The following SHISAL1 variants were observed in gnomAD, a reference collection of about 807,000 sequenced individuals.
SHISAL1 encodes the protein shisa like 1, also known as protein shisa-like-1.
A neutral mutation model predicts 22.6 loss-of-function variants in SHISAL1; 9 were observed. The observed-to-expected ratio is 0.40, with a 90% CI of 0.24 to 0.70. The LOEUF (loss-of-function observed/expected upper bound fraction) is 0.70. SHISAL1 is among the 30% of genes least tolerant of loss of function. The pLI is 0.39. For synonymous variants in SHISAL1, 119 were observed against 115.4 expected (o/e 1.03, Z -0.20); for missense variants, 246 against 270.6 (o/e 0.91, Z 0.64).
intron 4 of SHISAL1, among the ~76,000 whole-genome samples, chr22:44,279,777 G>T (rs774108585): frequency 2.0e-5 from 3 of 152,100 alleles, no homozygotes; most frequent in Non-Finnish European, 4.4e-5. Flanking sequence ...CACTGTAGAG[G>T]TGCTCAGGCT....
intron 2 of SHISAL1, among the ~76,000 whole-genome samples, chr22:44,297,409 A>G (rs1239385053): frequency 6.6e-6 from 1 of 152,220 alleles, no homozygotes; most frequent in Non-Finnish European, 1.5e-5. Context: ...GCAGTGGTGG[A>G]CCTGCTGCTC....
At chr22:44,290,925 G>T (rs796398268) in intron 3 of SHISAL1, among the ~76,000 whole-genome samples, 1 of 152,160 alleles carries the variant, frequency 6.6e-6, no homozygotes. Flanking sequence ...GGGCAGTGGC[G>T]GTGTGTGGGC....
At chr22:44,309,165 G>A (rs551940557) in intron 1 of SHISAL1, among the ~76,000 whole-genome samples, 7 of 152,292 alleles carry the variant, frequency 4.6e-5, no homozygotes, top group Non-Finnish European at 8.8e-5. Flanking sequence ...TCTCCTGGTC[G>A]CCACTCAGGG....
intron 1 of SHISAL1, among the ~76,000 whole-genome samples, chr22:44,301,738 T>A (rs1054122879): frequency 3.9e-5 from 6 of 152,130 alleles, no homozygotes; most frequent in Non-Finnish European, 8.8e-5. Context: ...GGAGGGAAAC[T>A]ATGATACATG....
intron 3 of SHISAL1, 98 bp from the exon 4 acceptor site, chr22:44,285,843 T>A: frequency 9.5e-7 from 1 of 1,048,196 alleles, no homozygotes; most frequent in Non-Finnish European, 1.4e-6. Flanking sequence ...GTCCTGGGGC[T>A]ATGTTGGGGT....
intron 1 of SHISAL1, among the ~76,000 whole-genome samples, chr22:44,305,440 G>A (rs1392565716): frequency 6.6e-6 from 1 of 152,232 alleles, no homozygotes; most frequent in Non-Finnish European, 1.5e-5. Context: ...CAGACCCAGG[G>A]TCCAGAGCTG....
At position 44,285,669 on chromosome 22, in the gene SHISAL1, A is replaced by G; in HGVS notation, c.358T>C (p.Tyr120His). 1 of 1,614,206 alleles carries G rather than the reference A, an allele frequency of 6.2e-7. No individual in the cohort carries two copies. Among genetic ancestry groups the G allele is most frequent in the Non-Finnish European group, 8.5e-7 (1 of 1,180,006 alleles). ...LMLLVLDLLYYSAMNYDICKV... is the reference protein window; with the variant it reads ...LMLLVLDLLYHSAMNYDICKV... ...CAGATGTCGTAGTTCATTGCCGAGTAATACAAAAGGTCCAGAACCAGCAGC... is the reference window on the plus strand; with the variant it reads ...CAGATGTCGTAGTTCATTGCCGAGTGATACAAAAGGTCCAGAACCAGCAGC... Residue 120 changes from tyrosine to histidine, a missense_variant, in exon 4 of 5, where the codon TAC becomes CAC. By Grantham distance (83) the Tyr-to-His change is moderately conservative (BLOSUM62 2). Around this residue, in one of 2 missense-constraint regions of SHISAL1, gnomAD observed 136 missense variants for 117.5 expected, o/e 1.16. Transcript: ENST00000381176.
At chr22:44,290,111 C>T (rs1228181122) in intron 3 of SHISAL1, among the ~76,000 whole-genome samples, 2 of 152,222 alleles carry the variant, frequency 1.3e-5, no homozygotes, top group African/African-American at 4.8e-5. Context: ...TCCCCATCAC[C>T]ACCCCACCAG....
In SHISAL1 at chr22:44,296,892, G is replaced by C. The variant is rs1408488382; in HGVS notation, c.68-7C>G. The C allele has an allele frequency of 6.2e-7, 1 of 1,608,978 alleles. No homozygotes were observed. Among genetic ancestry groups the C allele is most frequent in the Admixed American group, 1.7e-5 (1 of 59,976 alleles). On this transcript the variant is annotated splice_region_variant and splice_polypyrimidine_tract_variant and intron_variant, in intron 2 of 4. Coordinates refer to ENST00000381176, the MANE Select transcript of SHISAL1 (RefSeq NM_001099294.2). ...CGGAAATGTGCAGACAAGACTGGAA[G>C]ACAGAGTCACCAGGCTCAGAGGGGT... is the stretch of plus-strand genomic sequence containing the variant.
intron 3 of SHISAL1, among the ~76,000 whole-genome samples, chr22:44,288,755 A>G (rs914330763): frequency 1.3e-5 from 2 of 152,190 alleles, no homozygotes; most frequent in African/African-American, 2.4e-5. Context: ...CCTCCTGCAC[A>G]CCCAGCTGGC....
At position 44,244,108 on chromosome 22, in the gene SHISAL1, A is replaced by AAAAT. The variant is rs2054978155; in HGVS notation, c.*5573_*5576dup. 6.6e-6 allele frequency: 1 copy of AAAAT among 152,218 alleles called. No homozygotes were observed. The highest frequency in any genetic ancestry group is 2.1e-4 in the South Asian group (1 of 4,824). The allele number at this position is 152,218 out of a possible 1,614,324, so 9.4% of individuals were successfully genotyped here. A position where few individuals can be genotyped will look rare whatever the true frequency, so the allele number is the denominator to read the frequency against. ...ACTAGCTTTAAAACGGGAAATGGGA[A>AAAAT]AAATAGGAAGAAACTGCGTATGAGA... is the stretch of plus-strand genomic sequence containing the variant. On this transcript the variant is annotated 3_prime_UTR_variant, in exon 5 of 5. Coordinates refer to ENST00000381176, the MANE Select transcript of SHISAL1 (RefSeq NM_001099294.2).
chr22:44,277,449 CAAACA>C (rs59568852), intron 4 of SHISAL1, among the ~76,000 whole-genome samples: 10,352 of 150,550 alleles, frequency 0.069, 763 homozygotes, highest in Admixed American at 0.18. Flanking sequence ...ACTCTGCCTC[CAAACA>C]AAACAAAACA....
rs377473597 is a variant in SHISAL1 at position 44,285,622 on chromosome 22, C to G, written c.405G>C (p.Trp135Cys). The G allele has an allele frequency of 5.0e-5, 80 of 1,614,086 alleles. No individual in the cohort carries two copies. Among genetic ancestry groups the G allele is most frequent in the Non-Finnish European group, 6.7e-5 (79 of 1,180,020 alleles). Residue 135 changes from tryptophan (W) to cysteine (C), a missense_variant, in exon 4 of 5, where the codon TGG becomes TGC. Transcript: ENST00000381176. The part of the protein sequence containing the change: ...YDICKVYLAR[W>C]GIQGRWMKQD... ...GTTTCATCCATCGTCCTTGGATGCC[C>G]CACCGTGCCAGGTAGACCTTGCAGA...
chr22:44,312,446 G>A (rs1315747553), intron 1 of SHISAL1, among the ~76,000 whole-genome samples: 1 of 152,162 alleles, frequency 6.6e-6, no homozygotes, highest in Non-Finnish European at 1.5e-5. Context: ...AGGACACTGA[G>A]GCACAGAGAC....
chr22:44,311,427 C>T (rs1292036723), intron 1 of SHISAL1, among the ~76,000 whole-genome samples: 1 of 152,194 alleles, frequency 6.6e-6, no homozygotes, highest in East Asian at 1.9e-4. Flanking sequence ...GGCTCTTGTC[C>T]CTCACTGACA....
intron 3 of SHISAL1, among the ~76,000 whole-genome samples, chr22:44,295,823 C>T (rs2055381457): frequency 6.6e-6 from 1 of 152,206 alleles, no homozygotes; most frequent in African/African-American, 2.4e-5. Context: ...TAGAGAAACG[C>T]ATGCTGTTTT....
chr22:44,326,513 C>CA, the SHISAL1 span, among the ~76,000 whole-genome samples: 9 of 151,656 alleles, frequency 5.9e-5, no homozygotes, highest in East Asian at 1.5e-3. Flanking sequence ...GAAGTGTGAC[C>CA]AAAAAAAAAT....
chr22:44,283,459 A>G (rs1297831332), intron 4 of SHISAL1, among the ~76,000 whole-genome samples: 14 of 152,178 alleles, frequency 9.2e-5, no homozygotes, highest in Non-Finnish European at 1.9e-4. Flanking sequence ...GAAAAGCAAT[A>G]TGGAACAGGG....
At chr22:44,268,413 G>T (rs764024247) in intron 4 of SHISAL1, among the ~76,000 whole-genome samples, 1 of 152,220 alleles carries the variant, frequency 6.6e-6, no homozygotes, top group East Asian at 1.9e-4. Flanking sequence ...GGTCAAAGAG[G>T]TTTTAAGCTG....
Sources: gnomAD v4.1 joint callset for allele counts (sites outside exome capture counted in the v4.1 genomes callset) on GRCh38, gnomAD v4.1.1 for gene constraint, gnomAD v4.1.1 regional missense constraint, MANE v1.5 for transcripts, NCBI Gene and HGNC (gene_info 2026-07-23, HGNC 2026-07-21) for gene names.